The following PTPN2 variants were observed in gnomAD, a reference collection of about 807,000 sequenced individuals.
PTPN2 encodes the protein tyrosine-protein phosphatase non-receptor type 2.
In PTPN2, 19 loss-of-function variants were observed where a neutral mutation model predicts 57.3. The ratio of observed to expected loss-of-function variants is 0.33; its 90% CI spans 0.23 to 0.49. The LOEUF (loss-of-function observed/expected upper bound fraction) is 0.49. Among genes scored for constraint, PTPN2 ranks in the 20% least tolerant of loss-of-function variants. The probability of loss-of-function intolerance (pLI) is 0.99; values close to 1 mark genes in which losing one functional copy is unlikely to be tolerated. For missense variants in PTPN2, 358 were observed against 501.1 expected (o/e 0.71, Z 2.73); for synonymous variants, 153 against 164.9 (o/e 0.93, Z 0.55).
At chr18:12,789,878 G>GTGTGTA (rs397712660), downstream of PTPN2, among the ~76,000 whole-genome samples, 1 of 151,346 alleles carries the variant, frequency 6.6e-6, no homozygotes, top group Non-Finnish European at 1.5e-5. Flanking sequence ...GTGTGTGTGT[G>GTGTGTA]TATATATATA....
At chr18:12,839,259 A>G (rs566430259) in intron 2 of PTPN2, among the ~76,000 whole-genome samples, 1 of 152,348 alleles carries the variant, frequency 6.6e-6, no homozygotes, top group Non-Finnish European at 1.5e-5. Flanking sequence ...GTGAGAGCAT[A>G]TACACAGGTT....
intron 2 of PTPN2, among the ~76,000 whole-genome samples, chr18:12,837,656 A>AT (rs1388665703): frequency 6.6e-6 from 1 of 152,242 alleles, no homozygotes; most frequent in Non-Finnish European, 1.5e-5. Context: ...TGCCGGATGC[A>AT]TATCACTGAA....
At chr18:12,864,733 T>C (rs2043935339) in intron 1 of PTPN2, among the ~76,000 whole-genome samples, 1 of 152,192 alleles carries the variant, frequency 6.6e-6, no homozygotes, top group Non-Finnish European at 1.5e-5. Context: ...TACTTTCTCC[T>C]ATTATTTCAC....
At chr18:12,824,776 T>C (rs1335729496) in intron 5 of PTPN2, among the ~76,000 whole-genome samples, 2 of 152,148 alleles carry the variant, frequency 1.3e-5, no homozygotes, top group South Asian at 2.1e-4. Context: ...ACAGTTCATA[T>C]GTTTCTGGGG....
intron 3 of PTPN2, among the ~76,000 whole-genome samples, chr18:12,832,456 G>A (rs1486929648): frequency 2.0e-5 from 3 of 152,154 alleles, no homozygotes; most frequent in East Asian, 1.9e-4. Context: ...TCCTTGGTAT[G>A]TAGCAGATAC....
intron 4 of PTPN2, among the ~76,000 whole-genome samples, chr18:12,830,385 G>A (rs112326499): frequency 3.4e-4 from 51 of 152,156 alleles, no homozygotes; most frequent in African/African-American, 1.2e-3. Flanking sequence ...TGCCTGCCTC[G>A]GCCTCCCAAA....
chr18:12,819,049 G>A lies in PTPN2; in HGVS notation c.496-1684C>T, dbSNP rs979251343. The A allele has an allele frequency of 6.6e-5, 22 of 334,408 alleles. 1 individual carries two copies. The South Asian group carries it at 7.7e-4, about 12-fold the overall frequency. 20.7% of individuals were successfully genotyped at this position (334,408 alleles called of 1,614,324 possible). ...GCGGAGGTTGTGGTGAGCCGAGATCGTGCCATTGTACTCCAGCCTGGACAA... is the reference window on the plus strand; with the variant it reads ...GCGGAGGTTGTGGTGAGCCGAGATCATGCCATTGTACTCCAGCCTGGACAA... On this transcript the variant is annotated intron_variant, in intron 5 of 8. Coordinates refer to ENST00000309660, the MANE Select transcript of PTPN2 (RefSeq NM_002828.4).
At chr18:12,831,170 C>A in intron 3 of PTPN2, 129 bp from the exon 4 acceptor site, 1 of 547,370 alleles carries the variant, frequency 1.8e-6, no homozygotes, top group Non-Finnish European at 3.4e-6. Context: ...AAGAAGTAAA[C>A]CAAGACTTCC....
intron 9 of PTPN2, chr18:12,785,980 C>G: frequency 1.1e-5 from 8 of 727,654 alleles, no homozygotes; most frequent in Non-Finnish European, 1.9e-5. Flanking sequence ...ATGACACATT[C>G]AACCACACTA....
chr18:12,804,202 G>C (rs1446707281), intron 7 of PTPN2, among the ~76,000 whole-genome samples: 1 of 136,850 alleles, frequency 7.3e-6, no homozygotes, highest in Non-Finnish European at 1.5e-5. Flanking sequence ...TGAGGCATAA[G>C]AATCACTTGA....
intron 8 of PTPN2, 65 bp downstream of exon 8, chr18:12,801,905 C>A: frequency 7.4e-7 from 1 of 1,358,436 alleles, no homozygotes; most frequent in South Asian, 1.4e-5. Flanking sequence ...GGCACCTGGT[C>A]CCATAAAATT....
chr18:12,791,012 T>C (rs2040970726), downstream of PTPN2, among the ~76,000 whole-genome samples: 1 of 152,246 alleles, frequency 6.6e-6, no homozygotes, highest in South Asian at 2.1e-4. Flanking sequence ...CATGTGCTTA[T>C]TACATGTTAC....
In PTPN2 at chr18:12,824,587, C is replaced by A. The variant is rs145425419; in HGVS notation, c.495+1223G>T. On this transcript the variant is annotated intron_variant, in intron 5 of 8. Transcript: ENST00000309660. ...ACATTCTCCTATTTTCAAGCTATCA[C>A]AGTTTCTATTAGCATCTCAGAATTA... 5.5e-3 allele frequency among the ~76,000 whole-genome samples: 836 copies of A among 152,264 alleles called. 10 individuals carry two copies. Among genetic ancestry groups the A allele is most frequent in the African/African-American group, 0.019 (801 of 41,538 alleles).
chr18:12,807,586 A>AAAAAAAAAAAAAAAATTATATATATATAT lies in PTPN2; in HGVS notation c.859-5436_859-5435insATATATATATATAATTTTTTTTTTTTTTT. On this transcript the variant is annotated intron_variant, in intron 7 of 8. Transcript: ENST00000309660. ...AAATGTGGAAAAAAAAAAAAAAAAAAATATATATATATATATATAATATAA... is the reference window on the plus strand; with the variant it reads ...AAATGTGGAAAAAAAAAAAAAAAAAAAAAAAAAAAAAAAAATTATATATATATATATATATATATATATATATAATATAA... 8.5e-5 allele frequency among the ~76,000 whole-genome samples: 3 copies of AAAAAAAAAAAAAAAATTATATATATATAT among 35,192 alleles called. 1 individual carries two copies. Among genetic ancestry groups the AAAAAAAAAAAAAAAATTATATATATATAT allele is most frequent in the Non-Finnish European group, 1.8e-4 (3 of 16,278 alleles). 23.1% of individuals were successfully genotyped at this position (35,192 alleles called of 152,430 possible).
chr18:12,854,850 T>C (rs1253865489), intron 2 of PTPN2, among the ~76,000 whole-genome samples: 1 of 151,968 alleles, frequency 6.6e-6, no homozygotes, highest in Non-Finnish European at 1.5e-5. Flanking sequence ...ATTACGGGGT[T>C]AGGAAAAAAG....
At chr18:12,879,418 T>C (rs2044596123) in intron 1 of PTPN2, among the ~76,000 whole-genome samples, 1 of 152,208 alleles carries the variant, frequency 6.6e-6, no homozygotes. Context: ...ACCTCTCTCT[T>C]TAGGTTCATC....
At chr18:12,809,090 G>C (rs2041801037) in intron 7 of PTPN2, among the ~76,000 whole-genome samples, 1 of 152,190 alleles carries the variant, frequency 6.6e-6, no homozygotes, top group African/African-American at 2.4e-5. Context: ...GCTCCAGGCA[G>C]CTGGCTAGCC....
intron 2 of PTPN2, among the ~76,000 whole-genome samples, chr18:12,858,865 TTATA>T (rs1225700268): frequency 3.9e-5 from 6 of 152,158 alleles, no homozygotes; most frequent in Non-Finnish European, 4.4e-5. Context: ...CATATGGATA[TTATA>T]TAGACATCTA....
At chr18:12,834,388 A>C (rs1367082134) in intron 3 of PTPN2, among the ~76,000 whole-genome samples, 6 of 152,194 alleles carry the variant, frequency 3.9e-5, no homozygotes, top group Non-Finnish European at 8.8e-5. Flanking sequence ...CTCGTGTATA[A>C]AATAAAGGTA....
Sources: allele counts gnomAD v4.1 joint callset (sites outside exome capture counted in the v4.1 genomes callset), GRCh38; gene constraint gnomAD v4.1.1; transcripts MANE v1.5; gene names NCBI Gene and HGNC (gene_info 2026-07-23, HGNC 2026-07-21).